The following HNRNPC variants were observed in gnomAD, a reference collection of about 807,000 sequenced individuals.
HNRNPC encodes the protein heterogeneous nuclear ribonucleoproteins C1/C2.
HNRNPC carries 3 observed loss-of-function variants against 33.2 expected under a neutral mutation model. The observed-to-expected ratio is 0.09, with a 90% CI of 0.04 to 0.23. HNRNPC has a LOEUF of 0.23. Ranked by LOEUF, HNRNPC falls within the 10% of genes least tolerant of loss-of-function variation. The probability of loss-of-function intolerance (pLI) is 1.00; values close to 1 mark genes in which losing one functional copy is unlikely to be tolerated. For missense variants in HNRNPC, 143 were observed against 366.7 expected, an observed-to-expected ratio of 0.39 and a Z score of 4.98; for synonymous variants, 121 against 126.7, an observed-to-expected ratio of 0.96 and a Z score of 0.30.
chr14:21,251,017 T>G (rs1253426298), intron 2 of HNRNPC, among the ~76,000 whole-genome samples: 2 of 152,116 alleles, frequency 1.3e-5, no homozygotes, highest in Non-Finnish European at 2.9e-5. Context: ...ATCCCAGCAC[T>G]CTGGGAGGCC....
chr14:21,216,602 C>G (rs533780824), intron 5 of HNRNPC, among the ~76,000 whole-genome samples: 1 of 151,916 alleles, frequency 6.6e-6, no homozygotes, highest in East Asian at 1.9e-4. Context: ...TCAGGTACTC[C>G]GGGGGCTGAG....
At chr14:21,250,722 A>G (rs1053069354) in intron 2 of HNRNPC, among the ~76,000 whole-genome samples, 1 of 152,224 alleles carries the variant, frequency 6.6e-6, no homozygotes, top group Non-Finnish European at 1.5e-5. Flanking sequence ...GCTACACTGT[A>G]GTCTTCAACA....
chr14:21,263,065 T>C (rs1203583633), intron 2 of HNRNPC: 1 of 152,004 alleles, frequency 6.6e-6, no homozygotes, highest in East Asian at 1.9e-4. Context: ...AAAATACTAA[T>C]GCCTTCGCTT....
chr14:21,246,117 C>T (rs1199322642), intron 2 of HNRNPC, among the ~76,000 whole-genome samples: 1 of 152,114 alleles, frequency 6.6e-6, no homozygotes, highest in African/African-American at 2.4e-5. Flanking sequence ...AACCACCACA[C>T]CTGGCCTGCT....
chr14:21,265,825 G>A (rs1878882836), intron 1 of HNRNPC, among the ~76,000 whole-genome samples: 1 of 152,160 alleles, frequency 6.6e-6, no homozygotes, highest in African/African-American at 2.4e-5. Flanking sequence ...TAGAAAAAAA[G>A]TATCTCTAGG....
chr14:21,234,638 A>G (rs145240275), intron 2 of HNRNPC: 12 of 165,420 alleles, frequency 7.3e-5, no homozygotes, highest in Non-Finnish European at 1.6e-4. Flanking sequence ...ATTCCCTGCC[A>G]TCAATAATCT....
chr14:21,246,029 G>C (rs1895944206), intron 2 of HNRNPC, among the ~76,000 whole-genome samples: 1 of 151,932 alleles, frequency 6.6e-6, no homozygotes, highest in South Asian at 2.1e-4. Flanking sequence ...TGACCATGTT[G>C]GCCAGGCTGC....
chr14:21,248,366 A>G (rs1251754273), intron 2 of HNRNPC, among the ~76,000 whole-genome samples: 3 of 152,202 alleles, frequency 2.0e-5, no homozygotes, highest in Non-Finnish European at 4.4e-5. Flanking sequence ...TTCAAGATCA[A>G]CAACTTGCTA....
At chr14:21,233,703 G>A (rs767738576) in intron 3 of HNRNPC, among the ~76,000 whole-genome samples, 11 of 152,134 alleles carry the variant, frequency 7.2e-5, no homozygotes, top group Non-Finnish European at 1.3e-4. Context: ...ATTGTGAAGT[G>A]TCATTCCCAG....
intron 5 of HNRNPC, among the ~76,000 whole-genome samples, chr14:21,214,561 C>CG (rs1462509782): frequency 6.6e-6 from 1 of 151,888 alleles, no homozygotes; most frequent in Non-Finnish European, 1.5e-5. Context: ...TCATGCGGAA[C>CG]AGAGCAACAC....
intron 2 of HNRNPC, among the ~76,000 whole-genome samples, chr14:21,256,567 G>A (rs6571734): frequency 0.16 from 24,192 of 152,086 alleles, 2,195 homozygotes; most frequent in Admixed American, 0.24. Context: ...ATATAATAAT[G>A]CACAGGAGAC....
rs554268878 is a variant in HNRNPC at position 21,226,487 on chromosome 14, C to T, written c.365+3832G>A. On this transcript the variant is annotated intron_variant, in intron 5 of 8. Transcript: ENST00000553300. Reference sequence around the variant, plus strand: ...ACAACTACAGCTTTGAATACTTGTGCATTCCCAACATTGTGATAAAAATTC... The same window carrying T: ...ACAACTACAGCTTTGAATACTTGTGTATTCCCAACATTGTGATAAAAATTC... Among the ~76,000 whole-genome samples the T allele has an allele frequency of 5.3e-5, 8 of 152,156 alleles. No homozygotes were observed. The South Asian group carries it at 1.2e-3, about 24-fold the overall frequency.
At chr14:21,262,221 T>C (rs1003842920) in intron 2 of HNRNPC, among the ~76,000 whole-genome samples, 2 of 152,192 alleles carry the variant, frequency 1.3e-5, no homozygotes, top group African/African-American at 4.8e-5. Context: ...CTAAATAGAA[T>C]ATAATCCAAA....
chr14:21,225,839 C>T (rs1387930293), intron 5 of HNRNPC, among the ~76,000 whole-genome samples: 3 of 152,072 alleles, frequency 2.0e-5, no homozygotes, highest in Non-Finnish European at 2.9e-5. Flanking sequence ...AATTTGAGAA[C>T]AATTTCATGG....
At chr14:21,263,880 G>A (rs1878568466) in intron 1 of HNRNPC, 1 of 152,074 alleles carries the variant, frequency 6.6e-6, no homozygotes, top group East Asian at 1.9e-4. Context: ...GAAATGTTGT[G>A]CCCTAAACCC....
chr14:21,248,067 A>G (rs191031838), intron 2 of HNRNPC, among the ~76,000 whole-genome samples: 45 of 152,252 alleles, frequency 3.0e-4, no homozygotes, highest in African/African-American at 1.0e-3. Flanking sequence ...ATGAGGTCAC[A>G]TTTTAAATAG....
chr14:21,218,901 G>C (rs1892522893), intron 5 of HNRNPC, among the ~76,000 whole-genome samples: 1 of 151,712 alleles, frequency 6.6e-6, no homozygotes, highest in African/African-American at 2.4e-5. Context: ...CATGAGATCA[G>C]GAGTTCAAGA....
chr14:21,267,460 G>T (rs1451631803), intron 1 of HNRNPC, among the ~76,000 whole-genome samples: 1 of 152,108 alleles, frequency 6.6e-6, no homozygotes, highest in South Asian at 2.1e-4. Flanking sequence ...ATCCTCTAGA[G>T]ATTTAATTAC....
At chr14:21,216,472 C>G (rs1035575762) in intron 5 of HNRNPC, among the ~76,000 whole-genome samples, 1 of 152,142 alleles carries the variant, frequency 6.6e-6, no homozygotes, top group Admixed American at 6.5e-5. Context: ...CTTTGGGAGG[C>G]TAAGGCGAGC....
Sources: gnomAD v4.1 joint callset for allele counts (sites outside exome capture counted in the v4.1 genomes callset) on GRCh38, gnomAD v4.1.1 for gene constraint, MANE v1.5 for transcripts, NCBI Gene and HGNC (gene_info 2026-07-23, HGNC 2026-07-21) for gene names.